The following MYOM1 variants were observed in gnomAD, a reference collection of about 807,000 sequenced individuals.
MYOM1 encodes myomesin-1.
MYOM1 carries 164 observed loss-of-function variants against 205.3 expected under a neutral mutation model. The ratio of observed to expected loss-of-function variants is 0.80; its 90% CI spans 0.70 to 0.91. MYOM1 has a LOEUF of 0.91. Ranked by LOEUF, MYOM1 falls within the 40% of genes least tolerant of loss-of-function variation. MYOM1 has a pLI of 0.00. For synonymous variants in MYOM1, 772 were observed against 789.4 expected (o/e 0.98, Z 0.37); for missense variants, 2,011 against 2,127.3 (o/e 0.95, Z 1.08).
chr18:3,221,281 A>G (rs889944582), upstream of MYOM1, among the ~76,000 whole-genome samples: 1 of 152,140 alleles, frequency 6.6e-6, no homozygotes, highest in Non-Finnish European at 1.5e-5. Context: ...CAGTCTCACA[A>G]AGTGCTGGAA....
chr18:3,138,444 G>A (rs1037572564), intron 14 of MYOM1, among the ~76,000 whole-genome samples: 5 of 152,140 alleles, frequency 3.3e-5, no homozygotes, highest in Non-Finnish European at 5.9e-5. Context: ...AACAAGCCAC[G>A]TGACCTTGGA....
intron 30 of MYOM1, among the ~76,000 whole-genome samples, chr18:3,085,693 A>G (rs1485477536): frequency 6.6e-6 from 1 of 152,222 alleles, no homozygotes; most frequent in Non-Finnish European, 1.5e-5. Context: ...TTAGACAAGA[A>G]GTAGATAAAA....
intron 14 of MYOM1, among the ~76,000 whole-genome samples, chr18:3,136,069 C>CT (rs1355330910): frequency 6.6e-6 from 1 of 151,970 alleles, no homozygotes; most frequent in Admixed American, 6.6e-5. Context: ...GTGAGTAAGT[C>CT]TCATGAGAGC....
chr18:3,178,604 G>A (rs149989049), intron 5 of MYOM1, among the ~76,000 whole-genome samples: 4 of 152,222 alleles, frequency 2.6e-5, no homozygotes, highest in Middle Eastern at 3.4e-3. Context: ...CCTAAAGCAC[G>A]TTATTCATTT....
At chr18:3,198,616 T>G (rs1461281375) in intron 2 of MYOM1, among the ~76,000 whole-genome samples, 1 of 151,980 alleles carries the variant, frequency 6.6e-6, no homozygotes, top group Admixed American at 6.6e-5. Context: ...AAACCCCGTC[T>G]CTACTAAAAA....
chr18:3,070,452 C>T (rs1426990584), intron 37 of MYOM1, among the ~76,000 whole-genome samples: 1 of 152,086 alleles, frequency 6.6e-6, no homozygotes, highest in Non-Finnish European at 1.5e-5. Flanking sequence ...CACCCAGTGG[C>T]TGTAAACTTT....
At chr18:3,126,643 C>T (rs954682077) in intron 19 of MYOM1, 58 bp downstream of exon 19, 16 of 1,489,980 alleles carry the variant, frequency 1.1e-5, no homozygotes, top group Middle Eastern at 3.6e-4. Flanking sequence ...CCTGCCTGGG[C>T]GTGCAAGCAT....
chr18:3,144,057 T>G (rs2080089470), intron 13 of MYOM1, among the ~76,000 whole-genome samples: 1 of 151,710 alleles, frequency 6.6e-6, no homozygotes, highest in South Asian at 2.1e-4. Context: ...ATACAAAAAA[T>G]TAGCCGGGCA....
In MYOM1 at chr18:3,184,412, C is replaced by T. The variant is rs1469743720; in HGVS notation, c.929+3068G>A. Among the ~76,000 whole-genome samples the T allele has an allele frequency of 2.0e-5, 3 of 152,178 alleles. No homozygotes were observed. In the South Asian group the frequency reaches 6.2e-4, roughly 32 times the overall value. On this transcript the variant is annotated intron_variant, in intron 5 of 37. Coordinates refer to ENST00000356443, the MANE Select transcript of MYOM1 (RefSeq NM_003803.4). Reference sequence around the variant, plus strand: ...AAGAGTGCCCTCCAAGTTGTATCAGCTTCATGCCAACAAAACCTGACCCTG... The same window carrying T: ...AAGAGTGCCCTCCAAGTTGTATCAGTTTCATGCCAACAAAACCTGACCCTG...
At chr18:3,194,797 T>G (rs1172536599) in intron 2 of MYOM1, among the ~76,000 whole-genome samples, 1 of 149,618 alleles carries the variant, frequency 6.7e-6, no homozygotes, top group Admixed American at 6.7e-5. Flanking sequence ...ATCCATGAAC[T>G]TGGGGCTAAA....
At chr18:3,230,330 G>C in the MYOM1 span, among the ~76,000 whole-genome samples, 33 of 152,318 alleles carry the variant, frequency 2.2e-4, no homozygotes, top group African/African-American at 7.7e-4. Context: ...CCGAATTCAT[G>C]CTGACTTCCC....
intron 21 of MYOM1, 35 bp from the exon 22 acceptor site, chr18:3,112,447 G>A (rs1229655364): frequency 1.3e-6 from 2 of 1,512,970 alleles, no homozygotes; most frequent in Admixed American, 2.0e-5. Flanking sequence ...ATGGGTGTTT[G>A]ATGAAGCAGT....
intron 4 of MYOM1, 127 bp downstream of exon 4, chr18:3,188,621 T>G: frequency 9.5e-7 from 1 of 1,052,908 alleles, no homozygotes; most frequent in Admixed American, 3.0e-5. Context: ...AGAGTGAGAC[T>G]CCATCTCAAA....
the MYOM1 span, among the ~76,000 whole-genome samples, chr18:3,240,061 G>C: frequency 1.3e-5 from 2 of 152,136 alleles, no homozygotes; most frequent in Non-Finnish European, 2.9e-5. Context: ...GCTAAAGTAA[G>C]CATCGACTAT....
chr18:3,099,068 T>C (rs778823617), intron 25 of MYOM1, among the ~76,000 whole-genome samples: 2 of 152,018 alleles, frequency 1.3e-5, no homozygotes, highest in Non-Finnish European at 2.9e-5. Context: ...ATCCTCTCGC[T>C]CCGGCCTCCC....
At chr18:3,204,074 C>A (rs1487730438) in intron 2 of MYOM1, among the ~76,000 whole-genome samples, 2 of 151,914 alleles carry the variant, frequency 1.3e-5, no homozygotes, top group Admixed American at 6.6e-5. Flanking sequence ...TAATAACTCT[C>A]AATAGAATAG....
At chr18:3,170,672 A>C (rs971104246) in intron 8 of MYOM1, among the ~76,000 whole-genome samples, 1 of 152,292 alleles carries the variant, frequency 6.6e-6, no homozygotes, top group African/African-American at 2.4e-5. Flanking sequence ...TGGGAAAGAA[A>C]CGACTGTTTA....
At chr18:3,239,859 A>G in the MYOM1 span, among the ~76,000 whole-genome samples, 1 of 151,890 alleles carries the variant, frequency 6.6e-6, no homozygotes, top group Non-Finnish European at 1.5e-5. Flanking sequence ...GTCTGTGGTC[A>G]TTAACTTAAA....
chr18:3,184,983 T>C (rs2080790515), intron 5 of MYOM1, among the ~76,000 whole-genome samples: 4 of 152,272 alleles, frequency 2.6e-5, no homozygotes, highest in South Asian at 4.1e-4. Context: ...ACTCTACTGC[T>C]TCTTAGCTCT....
Sources: allele counts gnomAD v4.1 joint callset (sites outside exome capture counted in the v4.1 genomes callset), GRCh38; gene constraint gnomAD v4.1.1; transcripts MANE v1.5; gene names NCBI Gene and HGNC (gene_info 2026-07-23, HGNC 2026-07-21).